The following GSDMC variants were observed in gnomAD, a reference collection of about 807,000 sequenced individuals.
GSDMC encodes the protein gasdermin C.
GSDMC carries 59 observed loss-of-function variants against 58.0 expected under a neutral mutation model. The ratio of observed to expected loss-of-function variants is 1.02; its 90% CI spans 0.82 to 1.26. GSDMC has a LOEUF of 1.26. GSDMC is among the 50% of genes most tolerant of loss of function. The pLI is 0.00. For synonymous variants in GSDMC, 241 were observed against 220.2 expected (o/e 1.09, Z -0.83); for missense variants, 659 against 598.5 (o/e 1.10, Z -1.06).
the GSDMC span, among the ~76,000 whole-genome samples, chr8:129,739,004 G>T: frequency 6.6e-6 from 1 of 151,958 alleles, no homozygotes; most frequent in Non-Finnish European, 1.5e-5. Context: ...ACCAGTTTTT[G>T]AACTAATCCA....
At chr8:129,769,052 T>A (rs2033962119) in intron 3 of GSDMC, among the ~76,000 whole-genome samples, 2 of 150,092 alleles carry the variant, frequency 1.3e-5, no homozygotes, top group African/African-American at 2.5e-5. Context: ...CACTCCAGCC[T>A]GAGTGACAGG....
Position 129,750,087 on chromosome 8 carries a change from G to A in GSDMC, c.1116C>T (p.Gly372=). 1 of 1,598,800 alleles carries A rather than the reference G, an allele frequency of 6.3e-7. No individual in the cohort carries two copies. The highest frequency in any genetic ancestry group is 8.5e-7 in the Non-Finnish European group (1 of 1,174,036). Residue 372 remains glycine (G), a synonymous_variant, in exon 12 of 14, where the codon GGC becomes GGT. Transcript: ENST00000276708. ...GTTTCTTTAGGATGGCACCACCAGG[G>A]CCATCCAAATGACCTGAGCTGTCCA... ...LELDSSGHLD[G]PGGAILKKLQ... is the part of the protein sequence containing the mutation.
chr8:129,729,299 A>G, the GSDMC span: 1 of 572,460 alleles, frequency 1.7e-6, no homozygotes, highest in South Asian at 1.5e-5. Context: ...CTATAGGCAC[A>G]TGAAATTTGT....
At chr8:129,733,549 CA>C in the GSDMC span, among the ~76,000 whole-genome samples, 1 of 152,198 alleles carries the variant, frequency 6.6e-6, no homozygotes. Flanking sequence ...GGACCTCCAG[CA>C]AACTCCAACA....
At position 129,760,535 on chromosome 8, in the gene GSDMC, T is replaced by C. The variant is rs1205385180; in HGVS notation, c.721+10A>G. ...ATAAAAAAATAAAAAGACCAGGCTT[T>C]GGAACTCACCATCTTGAAAGGTTCT... On this transcript the variant is annotated intron_variant, in intron 6 of 13. Coordinates refer to ENST00000276708, the MANE Select transcript of GSDMC (RefSeq NM_031415.3). 10 of 1,556,440 alleles carry C rather than the reference T, an allele frequency of 6.4e-6. No homozygotes were observed. Among genetic ancestry groups the C allele is most frequent in the African/African-American group, 1.4e-5 (1 of 73,586 alleles).
chr8:129,720,854 G>A, the GSDMC span, among the ~76,000 whole-genome samples: 1 of 152,232 alleles, frequency 6.6e-6, no homozygotes, highest in East Asian at 1.9e-4. Context: ...GTCTGTTGCA[G>A]AAGCAGATTC....
At chr8:129,729,166 G>T in the GSDMC span, 1 of 668,382 alleles carries the variant, frequency 1.5e-6, no homozygotes, top group Middle Eastern at 4.3e-4. Flanking sequence ...TTACTTCAGA[G>T]ATATTTGATA....
rs370978892 is a variant in GSDMC at position 129,749,453 on chromosome 8, A to G, written c.1286T>C (p.Leu429Pro). Residue 429 changes from leucine (L) to proline (P), a missense_variant and splice_region_variant, in exon 13 of 14, where the codon CTG becomes CCG. By Grantham distance (98) the Leu-to-Pro change is moderately conservative (BLOSUM62 -3). Transcript: ENST00000276708. ...TTCTGGCCCCTGGGAAGTTCTCACC[A>G]GCTCCTGTTGCTGAAGCAGGATCCT... Reference protein sequence around the residue: ...EKRILLQQQELVRSILEPNFR... With the variant: ...EKRILLQQQEPVRSILEPNFR... 1.6e-5 allele frequency: 25 copies of G among 1,610,828 alleles called. No homozygotes were observed. Among genetic ancestry groups the G allele is most frequent in the Non-Finnish European group, 2.1e-5 (25 of 1,177,194 alleles).
intron 3 of GSDMC, among the ~76,000 whole-genome samples, chr8:129,767,906 C>T (rs1054899468): frequency 1.3e-5 from 2 of 152,166 alleles, no homozygotes; most frequent in African/African-American, 4.8e-5. Context: ...AACAACAGTA[C>T]CACAAGGAGC....
At chr8:129,766,319 T>C (rs1472408662) in intron 3 of GSDMC, among the ~76,000 whole-genome samples, 2 of 152,194 alleles carry the variant, frequency 1.3e-5, no homozygotes, top group Non-Finnish European at 2.9e-5. Flanking sequence ...TAGGGCTGAC[T>C]TGATGATGTA....
At chr8:129,733,398 A>G in the GSDMC span, among the ~76,000 whole-genome samples, 1 of 152,168 alleles carries the variant, frequency 6.6e-6, no homozygotes, top group Non-Finnish European at 1.5e-5. Flanking sequence ...TAACTGGGAG[A>G]CACTTCCCAG....
chr8:129,742,178 G>A, the GSDMC span, among the ~76,000 whole-genome samples: 1 of 151,936 alleles, frequency 6.6e-6, no homozygotes, highest in Non-Finnish European at 1.5e-5. Context: ...TGGTCAAAGA[G>A]TACAAAGTTT....
intron 3 of GSDMC, among the ~76,000 whole-genome samples, chr8:129,774,268 T>C (rs1003008408): frequency 2.6e-5 from 4 of 152,056 alleles, no homozygotes; most frequent in Admixed American, 1.3e-4. Context: ...TCAACTAATA[T>C]CTGACAAGCG....
intron 6 of GSDMC, among the ~76,000 whole-genome samples, chr8:129,756,552 G>A (rs928142455): frequency 6.6e-6 from 1 of 152,152 alleles, no homozygotes; most frequent in African/African-American, 2.4e-5. Context: ...AGAGCAAATA[G>A]AGCTAATAGA....
At chr8:129,717,738 GCTGGA>G in the GSDMC span, among the ~76,000 whole-genome samples, 1 of 152,096 alleles carries the variant, frequency 6.6e-6, no homozygotes, top group East Asian at 1.9e-4. Context: ...AAAGAACAAA[GCTGGA>G]GGCATCATGC....
chr8:129,750,266 G>A (rs2033129553), intron 11 of GSDMC, 147 bp from the exon 12 acceptor site: 2 of 1,009,606 alleles, frequency 2.0e-6, no homozygotes, highest in Non-Finnish European at 2.8e-6. Context: ...AGTAGTGGGG[G>A]CGACACTTCC....
the GSDMC span, among the ~76,000 whole-genome samples, chr8:129,739,358 G>A: frequency 6.6e-6 from 1 of 152,162 alleles, no homozygotes; most frequent in Non-Finnish European, 1.5e-5. Context: ...AACTAGAGGG[G>A]AAATTATTAG....
intron 6 of GSDMC, among the ~76,000 whole-genome samples, chr8:129,756,445 C>G (rs1331933531): frequency 6.6e-6 from 1 of 152,004 alleles, no homozygotes; most frequent in Non-Finnish European, 1.5e-5. Context: ...GCTAAAGAGA[C>G]AGTAATAGGT....
At chr8:129,756,937 G>A (rs542039016) in intron 6 of GSDMC, among the ~76,000 whole-genome samples, 3 of 151,980 alleles carry the variant, frequency 2.0e-5, no homozygotes, top group Non-Finnish European at 4.4e-5. Flanking sequence ...AGCTATAAGT[G>A]CCTACATCAA....
Sources: allele counts gnomAD v4.1 joint callset (sites outside exome capture counted in the v4.1 genomes callset), GRCh38; gene constraint gnomAD v4.1.1; transcripts MANE v1.5; gene names NCBI Gene and HGNC (gene_info 2026-07-23, HGNC 2026-07-21).